Variants in XYLT1 observed in about 807,000 individuals in gnomAD.
XYLT1 encodes xylosyltransferase 1, also known as beta-D-xylosyltransferase 1.
XYLT1 carries 36 observed loss-of-function variants against 91.3 expected under a neutral mutation model. The ratio of observed to expected loss-of-function variants is 0.39; its 90% CI spans 0.30 to 0.52. The LOEUF (loss-of-function observed/expected upper bound fraction) is 0.52, where lower values mean the gene tolerates loss of function less well. Ranked by LOEUF, XYLT1 falls within the 20% of genes least tolerant of loss-of-function variation. The pLI, the probability that XYLT1 is intolerant of heterozygous loss-of-function variation, is 0.68. For missense variants in XYLT1, 1,242 were observed against 1,284.5 expected (o/e 0.97, Z 0.51); for synonymous variants, 588 against 532.0 (o/e 1.11, Z -1.45).
intron 1 of XYLT1, among the ~76,000 whole-genome samples, chr16:17,377,219 T>TA: frequency 7.5e-6 from 1 of 132,924 alleles, no homozygotes; most frequent in South Asian, 2.2e-4. Flanking sequence ...GTCTTGTTTT[T>TA]ATAGATGGAA....
rs976012325 is a variant in XYLT1 at position 17,103,688 on chromosome 16, G to A, written c.*5007C>T. ...GATGGAGTAGATGACGTTAGGGAGG[G>A]GGATGACAAGGTGCAGAACCCGCTT... is the stretch of plus-strand genomic sequence containing the variant. On this transcript the variant is annotated 3_prime_UTR_variant, in exon 12 of 12. Coordinates refer to ENST00000261381, the MANE Select transcript of XYLT1 (RefSeq NM_022166.4). 6.6e-6 allele frequency: 1 copy of A among 152,126 alleles called. No homozygotes were observed. The highest frequency in any genetic ancestry group is 2.4e-5 in the African/African-American group (1 of 41,406). 9.4% of individuals were successfully genotyped at this position (152,126 alleles called of 1,614,324 possible).
At chr16:17,297,557 G>GAA (rs35985751) in intron 2 of XYLT1, among the ~76,000 whole-genome samples, 1 of 142,872 alleles carries the variant, frequency 7.0e-6, no homozygotes, top group Non-Finnish European at 1.6e-5. Flanking sequence ...TAAAGAAAAT[G>GAA]AAAAAAAAAA....
At position 17,452,517 on chromosome 16, in the gene XYLT1, A is replaced by G. The variant is rs1280596476; in HGVS notation, c.363+17917T>C. Among the ~76,000 whole-genome samples the G allele has an allele frequency of 5.3e-5, 8 of 152,132 alleles. No individual in the cohort carries two copies. The East Asian group carries it at 9.6e-4, about 18-fold the overall frequency. On this transcript the variant is annotated intron_variant, in intron 1 of 11. Coordinates refer to ENST00000261381, the MANE Select transcript of XYLT1 (RefSeq NM_022166.4). ...TGTCAAAACCTAAAGTGCTTTTAAA[A>G]TAGACTACCAGTTTTCCTCTGGGCA...
At chr16:17,367,025 G>A (rs929264368) in intron 1 of XYLT1, among the ~76,000 whole-genome samples, 2 of 151,798 alleles carry the variant, frequency 1.3e-5, no homozygotes, top group African/African-American at 4.8e-5. Context: ...TCCTTGCTGC[G>A]AGTCTTCAGG....
intron 3 of XYLT1, among the ~76,000 whole-genome samples, chr16:17,206,135 G>A (rs1030222544): frequency 1.3e-5 from 2 of 152,138 alleles, no homozygotes; most frequent in African/African-American, 4.8e-5. Flanking sequence ...TACAAAGTGG[G>A]AAGAGAGGTC....
chr16:17,253,859 A>AGAGAGAGAGAGCGAGC (rs1555491314), intron 3 of XYLT1, among the ~76,000 whole-genome samples: 1 of 146,146 alleles, frequency 6.8e-6, no homozygotes, highest in Admixed American at 6.8e-5. Context: ...AGAGAGAGAG[A>AGAGAGAGAGAGCGAGC]GAGCGAGCCT....
In XYLT1 at chr16:17,385,310, A is replaced by C. The variant is rs530853859; in HGVS notation, c.364-27260T>G. Among the ~76,000 whole-genome samples, 51 of 146,582 alleles carry C rather than the reference A, an allele frequency of 3.5e-4. 1 individual carries two copies. The highest frequency in any genetic ancestry group is 6.3e-4 in the East Asian group (3 of 4,796). ...CACACACACACACACACACACACACACCTATGTACTCCACTGTTGGCCTCC... is the reference window on the plus strand; with the variant it reads ...CACACACACACACACACACACACACCCCTATGTACTCCACTGTTGGCCTCC... On this transcript the variant is annotated intron_variant, in intron 1 of 11. Transcript: ENST00000261381.
chr16:17,454,368 T>C (rs1159218721), intron 1 of XYLT1, among the ~76,000 whole-genome samples: 1 of 152,228 alleles, frequency 6.6e-6, no homozygotes, highest in Admixed American at 6.5e-5. Flanking sequence ...AGACATAGGG[T>C]TAGCAAACTT....
chr16:17,373,815 T>G (rs1358430176), intron 1 of XYLT1, among the ~76,000 whole-genome samples: 1 of 152,236 alleles, frequency 6.6e-6, no homozygotes, highest in Admixed American at 6.5e-5. Context: ...TTGAGAACAC[T>G]GCTCGTGAAC....
At chr16:17,316,937 C>G (rs1403050723) in intron 2 of XYLT1, among the ~76,000 whole-genome samples, 1 of 151,742 alleles carries the variant, frequency 6.6e-6, no homozygotes, top group Non-Finnish European at 1.5e-5. Flanking sequence ...ATTATCCTGC[C>G]TCAGCCTCCC....
At chr16:17,267,160 C>T (rs948607098) in intron 2 of XYLT1, among the ~76,000 whole-genome samples, 6 of 152,214 alleles carry the variant, frequency 3.9e-5, no homozygotes, top group African/African-American at 1.4e-4. Flanking sequence ...CCAGTCTCTG[C>T]TCCTTAACTC....
chr16:17,458,381 T>C (rs995941220), intron 1 of XYLT1, among the ~76,000 whole-genome samples: 3 of 152,118 alleles, frequency 2.0e-5, no homozygotes, highest in African/African-American at 7.2e-5. Flanking sequence ...GTGAAGCAAA[T>C]GCACAGTGAA....
At chr16:17,455,313 T>C (rs1025476291) in intron 1 of XYLT1, among the ~76,000 whole-genome samples, 1 of 152,212 alleles carries the variant, frequency 6.6e-6, no homozygotes, top group Non-Finnish European at 1.5e-5. Context: ...AAGAGAAGTT[T>C]AGCAAGTTTT....
At chr16:17,121,237 A>C (rs2030044749) in intron 10 of XYLT1, among the ~76,000 whole-genome samples, 1 of 152,242 alleles carries the variant, frequency 6.6e-6, no homozygotes, top group Non-Finnish European at 1.5e-5. Context: ...TCCTCCAAAG[A>C]AATGAGGATA....
intron 5 of XYLT1, chr16:17,192,773 G>C (rs2032344804): frequency 6.8e-6 from 1 of 148,136 alleles, no homozygotes; most frequent in South Asian, 2.1e-4. Flanking sequence ...TGTTTTTCTT[G>C]AAACAGTCTC....
chr16:17,134,831 C>G, intron 8 of XYLT1, 96 bp from the exon 9 acceptor site: 1 of 1,452,346 alleles, frequency 6.9e-7, no homozygotes, highest in Non-Finnish European at 9.4e-7. Context: ...AAGCAAAGCT[C>G]TGCTGGACCC....
chr16:17,403,581 GTCAC>G (rs1434970601), intron 1 of XYLT1: 3 of 151,900 alleles, frequency 2.0e-5, no homozygotes, highest in Non-Finnish European at 4.4e-5. Flanking sequence ...TCTCATGAGA[GTCAC>G]TCACTATCAC....
intron 1 of XYLT1, among the ~76,000 whole-genome samples, chr16:17,415,794 A>G (rs1053489530): frequency 1.3e-5 from 2 of 152,186 alleles, no homozygotes; most frequent in East Asian, 1.9e-4. Context: ...GGAATACGAG[A>G]TTCCATTTGC....
At position 17,384,253 on chromosome 16, in the gene XYLT1, T is replaced by C. The variant is rs186908411; in HGVS notation, c.364-26203A>G. Among the ~76,000 whole-genome samples, 20 of 151,208 alleles carry C rather than the reference T, an allele frequency of 1.3e-4. 1 individual carries two copies. Among genetic ancestry groups the C allele is most frequent in the Admixed American group, 4.0e-4 (6 of 15,074 alleles). ...ATGAAAGCAAATGAGCAGGTAGGAG[T>C]TGATGCTGTACAACCAATCCCAGGT... On this transcript the variant is annotated intron_variant, in intron 1 of 11. Coordinates refer to ENST00000261381, the MANE Select transcript of XYLT1 (RefSeq NM_022166.4).
Sources: gnomAD v4.1 joint callset for allele counts (sites outside exome capture counted in the v4.1 genomes callset) on GRCh38, gnomAD v4.1.1 for gene constraint, MANE v1.5 for transcripts, NCBI Gene and HGNC (gene_info 2026-07-23, HGNC 2026-07-21) for gene names.